MDM1: variants seen among roughly 807,000 people sequenced by gnomAD.
MDM1 encodes the protein stabilizer of axonemal microtubules 6.
MDM1 carries 61 observed loss-of-function variants against 89.1 expected under a neutral mutation model. That is an observed-to-expected ratio of 0.68 (90% CI 0.56 to 0.85). The LOEUF (loss-of-function observed/expected upper bound fraction) is 0.85. MDM1 is among the 40% of genes least tolerant of loss of function. The probability of loss-of-function intolerance (pLI) is 0.00; values close to 1 mark genes in which losing one functional copy is unlikely to be tolerated. For missense variants in MDM1, 820 were observed against 846.5 expected (o/e 0.97, Z 0.39); for synonymous variants, 290 against 294.1 (o/e 0.99, Z 0.14).
At chr12:68,325,068 G>T in intron 4 of MDM1, 1 of 959,982 alleles carries the variant, frequency 1.0e-6, no homozygotes, top group Non-Finnish European at 1.2e-6. Context: ...TTAGAATACA[G>T]GAAACACGCA....
chr12:68,306,317 G>A (rs1466336535), intron 12 of MDM1, among the ~76,000 whole-genome samples: 1 of 152,084 alleles, frequency 6.6e-6, no homozygotes, highest in Non-Finnish European at 1.5e-5. Context: ...AAAAATCCTA[G>A]AAGAAACCCT....
intron 2 of MDM1, 112 bp from the exon 3 acceptor site, chr12:68,327,133 T>C: frequency 1.4e-6 from 2 of 1,429,936 alleles, no homozygotes; most frequent in Middle Eastern, 2.5e-4. Flanking sequence ...TTCAGATATA[T>C]GTACCTATAT....
chr12:68,303,968 TG>T (rs1872556055), intron 12 of MDM1, among the ~76,000 whole-genome samples: 1 of 152,222 alleles, frequency 6.6e-6, no homozygotes. Context: ...CTGGACACAC[TG>T]GCTCATGCCT....
rs1435220041 is a variant in MDM1 at position 68,315,117 on chromosome 12, A to C, written c.1360T>G (p.Trp454Gly). The change falls in exon 10 of 15, where the codon TGG (tryptophan) becomes GGG (glycine). Residue 454 changes from tryptophan to glycine, a missense_variant. By Grantham distance (184) the Trp-to-Gly change is radical. Coordinates refer to ENST00000682720, the MANE Select transcript of MDM1 (RefSeq NM_001354969.2). ...PTIPVRRRLAWDTENTSEDVQ... is the reference protein window; with the variant it reads ...PTIPVRRRLAGDTENTSEDVQ... ...TCTTCACTTGTGTTCTCTGTATCCC[A>C]AGCCAGCCGCCTTCTAACGGGTATG... 1 of 1,613,998 alleles carries C rather than the reference A, an allele frequency of 6.2e-7. No homozygotes were observed. Among genetic ancestry groups the C allele is most frequent in the Non-Finnish European group, 8.5e-7 (1 of 1,180,024 alleles).
At chr12:68,317,479 C>T (rs960679438) in intron 7 of MDM1, among the ~76,000 whole-genome samples, 6 of 151,504 alleles carry the variant, frequency 4.0e-5, no homozygotes, top group African/African-American at 7.3e-5. Context: ...TAACAAGGTA[C>T]GATTTTGAAT....
intron 13 of MDM1, among the ~76,000 whole-genome samples, chr12:68,297,533 C>T (rs1056518904): frequency 6.6e-6 from 1 of 152,158 alleles, no homozygotes; most frequent in Non-Finnish European, 1.5e-5. Flanking sequence ...ATACTGAGTA[C>T]CACTGAAAGT....
intron 12 of MDM1, among the ~76,000 whole-genome samples, chr12:68,306,811 T>C (rs756845808): frequency 6.6e-6 from 1 of 152,102 alleles, no homozygotes; most frequent in Non-Finnish European, 1.5e-5. Flanking sequence ...CAACTAAAAT[T>C]AGAACTACCA....
intron 13 of MDM1, 68 bp from the exon 14 acceptor site, chr12:68,297,050 C>A: frequency 9.0e-7 from 1 of 1,108,766 alleles, no homozygotes; most frequent in Non-Finnish European, 1.3e-6. Flanking sequence ...CAATTATATA[C>A]TAAACTGTTA....
intron 12 of MDM1, among the ~76,000 whole-genome samples, chr12:68,306,721 C>CA (rs1872934982): frequency 6.6e-6 from 1 of 152,114 alleles, no homozygotes; most frequent in Non-Finnish European, 1.5e-5. Context: ...ACCAAAAAGT[C>CA]AAAAAATAAC....
chr12:68,313,475 A>C lies in MDM1; in HGVS notation c.1717T>G (p.Cys573Gly). ...AAATCATTCTTTGAAGTTTCTAAAC[A>C]ATCCTGAGAGGTCATTCTTTTCCTC... ...EQRKRMTSQD[C>G]LETSKNDFTK... is the part of the protein sequence containing the mutation. The change falls in exon 12 of 15, where the codon TGT (cysteine) becomes GGT (glycine). Residue 573 changes from cysteine (C) to glycine (G), a missense_variant. Cys to Gly is a radical substitution (Grantham distance 159). Transcript: ENST00000682720. 1 of 1,613,966 alleles carries C rather than the reference A, an allele frequency of 6.2e-7. No individual in the cohort carries two copies. Among genetic ancestry groups the C allele is most frequent in the Non-Finnish European group, 8.5e-7 (1 of 1,179,828 alleles).
At position 68,326,867 on chromosome 12, in the gene MDM1, T is replaced by C. The variant is rs1172968767; in HGVS notation, c.288A>G (p.Glu96=). The C allele has an allele frequency of 6.2e-7, 1 of 1,613,996 alleles. No individual in the cohort carries two copies. Among genetic ancestry groups the C allele is most frequent in the Non-Finnish European group, 8.5e-7 (1 of 1,179,882 alleles). The change falls in exon 3 of 15, where the codon GAA becomes GAG. Residue 96 remains glutamate, a synonymous_variant. Transcript: ENST00000682720. ...CTTGAGTAACATCCTTTTGTTCTGCTTCTTGTGATTTTGGTGTTTCCGGGG... is the reference window on the plus strand; with the variant it reads ...CTTGAGTAACATCCTTTTGTTCTGCCTCTTGTGATTTTGGTGTTTCCGGGG... ...PEAPETPKSQ[E]AEQKDVTQER...
At chr12:68,305,825 A>G (rs1244716689) in intron 12 of MDM1, among the ~76,000 whole-genome samples, 2 of 152,154 alleles carry the variant, frequency 1.3e-5, no homozygotes, top group Non-Finnish European at 2.9e-5. Context: ...CATACTGTCT[A>G]AAGTAACTTA....
intron 12 of MDM1, among the ~76,000 whole-genome samples, chr12:68,312,896 G>A (rs570399700): frequency 5.8e-4 from 88 of 152,156 alleles, no homozygotes; most frequent in African/African-American, 1.9e-3. Context: ...TCCCAGATCC[G>A]CATACAGGTC....
At chr12:68,330,948 T>C in intron 2 of MDM1, 159 bp downstream of exon 2, 1 of 600,756 alleles carries the variant, frequency 1.7e-6, no homozygotes, top group East Asian at 2.7e-5. Context: ...CTTCAATAAA[T>C]ACTTGATTAA....
intron 2 of MDM1, chr12:68,327,287 C>T: frequency 7.1e-7 from 1 of 1,406,936 alleles, no homozygotes; most frequent in Middle Eastern, 1.8e-4. Context: ...TCCAGTTATC[C>T]TAACAAAAGT....
intron 13 of MDM1, among the ~76,000 whole-genome samples, chr12:68,297,344 A>G (rs897171464): frequency 6.6e-6 from 1 of 152,220 alleles, no homozygotes; most frequent in African/African-American, 2.4e-5. Context: ...AAGAAGAACA[A>G]ACTCATAGGA....
chr12:68,323,453 A>G, intron 4 of MDM1: 1 of 408,560 alleles, frequency 2.4e-6, no homozygotes, highest in East Asian at 4.5e-5. Context: ...TGTAATCAAA[A>G]TATAGCTTAT....
Position 68,313,474 on chromosome 12 carries a change from C to T in MDM1, c.1718G>A (p.Cys573Tyr). 1 of 1,613,888 alleles carries T rather than the reference C, an allele frequency of 6.2e-7. No homozygotes were observed. Among genetic ancestry groups the T allele is most frequent in the Non-Finnish European group, 8.5e-7 (1 of 1,179,826 alleles). The change falls in exon 12 of 15, where the codon TGT (cysteine) becomes TAT (tyrosine). Residue 573 changes from cysteine (C) to tyrosine (Y), a missense_variant. Transcript: ENST00000682720. ...EQRKRMTSQDCLETSKNDFTK... is the reference protein window; with the variant it reads ...EQRKRMTSQDYLETSKNDFTK... ...AAAATCATTCTTTGAAGTTTCTAAA[C>T]AATCCTGAGAGGTCATTCTTTTCCT...
chr12:68,308,059 C>G (rs937783511), intron 12 of MDM1, among the ~76,000 whole-genome samples: 6 of 151,748 alleles, frequency 4.0e-5, no homozygotes, highest in Non-Finnish European at 8.8e-5. Flanking sequence ...CCTCTCCAGG[C>G]TCCAGCCACA....
Sources: allele counts gnomAD v4.1 joint callset (sites outside exome capture counted in the v4.1 genomes callset), GRCh38; gene constraint gnomAD v4.1.1; transcripts MANE v1.5; gene names NCBI Gene and HGNC (gene_info 2026-07-23, HGNC 2026-07-21).